The following OR51B5 variants were observed in gnomAD, a reference collection of about 807,000 sequenced individuals.
OR51B5 encodes the protein olfactory receptor family 51 subfamily B member 5, also known as olfactory receptor 51B5.
For missense variants in OR51B5, 456 were observed against 374.6 expected (o/e 1.22, Z -1.79); for synonymous variants, 186 against 144.8 (o/e 1.28, Z -2.04).
At chr11:5,412,999 T>C (rs933383512) in intron 1 of OR51B5, among the ~76,000 whole-genome samples, 32 of 150,772 alleles carry the variant, frequency 2.1e-4, no homozygotes, top group Non-Finnish European at 4.6e-4. Flanking sequence ...CTCAAGTGGA[T>C]CCCTGACCCC....
chr11:5,345,145 C>G (rs77062934), upstream of OR51B5, among the ~76,000 whole-genome samples: 8,389 of 152,176 alleles, frequency 0.055, 311 homozygotes, highest in Middle Eastern at 0.11. Context: ...GTTTTGTTTT[C>G]TTCTTACTAT....
upstream of OR51B5, chr11:5,343,546 T>TGTC (rs78253695): frequency 0.39 from 280,854 of 726,406 alleles, 58,120 homozygotes; most frequent in Admixed American, 0.46. Flanking sequence ...ATAGAAGAAA[T>TGTC]GTCTTTCTGT....
At chr11:5,410,446 G>A (rs547841990) in intron 1 of OR51B5, among the ~76,000 whole-genome samples, 1 of 152,198 alleles carries the variant, frequency 6.6e-6, no homozygotes, top group South Asian at 2.1e-4. Flanking sequence ...ATCACTAAAA[G>A]AATAGTAAAA....
chr11:5,503,345 T>G (rs932177590), intron 1 of OR51B5, among the ~76,000 whole-genome samples: 1 of 152,158 alleles, frequency 6.6e-6, no homozygotes, highest in Non-Finnish European at 1.5e-5. Context: ...AAACTGTCAT[T>G]CAAAATAACA....
intron 1 of OR51B5, among the ~76,000 whole-genome samples, chr11:5,441,920 G>T (rs1228247761): frequency 6.6e-6 from 1 of 152,086 alleles, no homozygotes; most frequent in African/African-American, 2.4e-5. Context: ...CTGTAGCTCA[G>T]ACTTCACCCC....
chr11:5,408,887 T>C (rs2133748344), intron 1 of OR51B5, among the ~76,000 whole-genome samples: 1 of 152,240 alleles, frequency 6.6e-6, no homozygotes, highest in African/African-American at 2.4e-5. Context: ...CCTTAAGCCT[T>C]CCTCAAAATC....
At chr11:5,357,739 A>G (rs1380959752) in intron 1 of OR51B5, among the ~76,000 whole-genome samples, 24 of 150,260 alleles carry the variant, frequency 1.6e-4, no homozygotes, top group Non-Finnish European at 3.4e-4. Flanking sequence ...ACATAGTTGG[A>G]AGTAAAGCAC....
intron 1 of OR51B5, among the ~76,000 whole-genome samples, chr11:5,435,075 T>C (rs933694352): frequency 2.7e-4 from 41 of 152,250 alleles, no homozygotes; most frequent in Admixed American, 1.7e-3. Flanking sequence ...AATAGCCCCA[T>C]CTCAAAAGGC....
intron 1 of OR51B5, chr11:5,389,899 C>T: frequency 2.5e-6 from 4 of 1,612,344 alleles, no homozygotes; most frequent in Non-Finnish European, 3.4e-6. Context: ...GACCTGTGGC[C>T]ACTATCCCTA....
At chr11:5,406,907 G>T (rs1498478) in intron 1 of OR51B5, among the ~76,000 whole-genome samples, 127,468 of 152,028 alleles carry the variant, frequency 0.84, 53,923 homozygotes, top group Non-Finnish European at 0.89. Flanking sequence ...GGAGACAACT[G>T]TCAGAGCTAC....
At chr11:5,380,258 T>C (rs1438502893) in intron 1 of OR51B5, among the ~76,000 whole-genome samples, 1 of 152,180 alleles carries the variant, frequency 6.6e-6, no homozygotes, top group East Asian at 1.9e-4. Flanking sequence ...CCAGACTCTC[T>C]GTGCACACAC....
At chr11:5,455,687 C>T (rs762075900) in intron 1 of OR51B5, 10 of 152,050 alleles carry the variant, frequency 6.6e-5, no homozygotes, top group African/African-American at 9.7e-5. Flanking sequence ...CCAGAAACCA[C>T]GTAGTAGCAA....
chr11:5,355,610 C>T (rs911565318), intron 1 of OR51B5: 12 of 152,278 alleles, frequency 7.9e-5, no homozygotes, highest in African/African-American at 2.9e-4. Flanking sequence ...GACAAAGGAA[C>T]TGCAGCAGGA....
At chr11:5,433,408 C>G (rs1423584206) in intron 1 of OR51B5, among the ~76,000 whole-genome samples, 14 of 152,122 alleles carry the variant, frequency 9.2e-5, no homozygotes, top group Non-Finnish European at 1.9e-4. Context: ...GGTATAAAAA[C>G]TGAATTACTT....
At chr11:5,370,626 AGTT>A (rs1309084515) in intron 1 of OR51B5, among the ~76,000 whole-genome samples, 2 of 152,174 alleles carry the variant, frequency 1.3e-5, no homozygotes, top group Admixed American at 6.5e-5. Context: ...GTCATTGTTT[AGTT>A]GTTTGTTTAT....
At chr11:5,471,284 G>A (rs1851224237) in intron 1 of OR51B5, among the ~76,000 whole-genome samples, 1 of 152,138 alleles carries the variant, frequency 6.6e-6, no homozygotes. Context: ...AAGTGACAGG[G>A]CATAGAGAGC....
chr11:5,345,316 C>T (rs1848974534), upstream of OR51B5, among the ~76,000 whole-genome samples: 1 of 151,914 alleles, frequency 6.6e-6, no homozygotes, highest in Non-Finnish European at 1.5e-5. Flanking sequence ...TTTTAAAAAT[C>T]CATATGAAGA....
chr11:5,476,589 T>C (rs893697526), intron 1 of OR51B5, among the ~76,000 whole-genome samples: 5 of 152,170 alleles, frequency 3.3e-5, no homozygotes, highest in Admixed American at 2.0e-4. Context: ...GTATTTCATG[T>C]ATTTACACTG....
intron 1 of OR51B5, among the ~76,000 whole-genome samples, chr11:5,406,436 C>T (rs16930536): frequency 0.059 from 8,909 of 152,152 alleles, 687 homozygotes; most frequent in East Asian, 0.4. Context: ...CTTGGAATCT[C>T]TTGGTGTCTA....
Sources: gnomAD v4.1 joint callset for allele counts (sites outside exome capture counted in the v4.1 genomes callset) on GRCh38, gnomAD v4.1.1 for gene constraint, MANE v1.5 for transcripts, NCBI Gene and HGNC (gene_info 2026-07-23, HGNC 2026-07-21) for gene names.